Variants in SLC49A3 observed in about 807,000 individuals in gnomAD.
SLC49A3 encodes the protein solute carrier family 49 member A3.
A neutral mutation model predicts 43.8 loss-of-function variants in SLC49A3; 50 were observed. The ratio of observed to expected loss-of-function variants is 1.14; its 90% confidence interval spans 0.91 to 1.45. The LOEUF is 1.45. Among genes scored for constraint, SLC49A3 ranks in the 40% most tolerant of loss-of-function variants. The pLI, the probability that SLC49A3 is intolerant of heterozygous loss-of-function variation, is 0.00. For synonymous variants in SLC49A3, 413 were observed against 352.0 expected (o/e 1.17, Z -1.94); for missense variants, 906 against 774.1 (o/e 1.17, Z -2.02).
intron 6 of SLC49A3, 82 bp downstream of exon 6, chr4:684,401 G>T: frequency 6.4e-7 from 1 of 1,561,762 alleles, no homozygotes. Context: ...CGGACACTGG[G>T]CACCCTGGAG....
At chr4:680,517 G>C (rs373616918), downstream of SLC49A3, 2 of 1,613,328 alleles carry the variant, frequency 1.2e-6, no homozygotes, top group Non-Finnish European at 1.7e-6. Flanking sequence ...AGGTACCGAC[G>C]CCGAGGAGAC....
At chr4:678,662 G>A (rs1739108550), downstream of SLC49A3, 2 of 1,606,700 alleles carry the variant, frequency 1.2e-6, no homozygotes, top group Non-Finnish European at 1.7e-6. Context: ...CCGCAGGCCA[G>A]CAGGAAGACC....
downstream of SLC49A3, chr4:680,008 G>A (rs779274114): frequency 6.2e-6 from 10 of 1,612,330 alleles, no homozygotes; most frequent in Non-Finnish European, 8.5e-6. Flanking sequence ...TGTTTGGGGA[G>A]AAGCTGAGCG....
rs751116319 is a variant in SLC49A3, at chr4:686,119, G to T, written c.478C>A (p.Arg160=). 7 of 1,613,006 alleles carry T rather than the reference G, an allele frequency of 4.3e-6. 2 individuals are homozygous for T. The South Asian group carries it at 5.5e-5, about 13-fold the overall frequency. The part of the protein sequence containing the change: ...LAALWFPEHQ[R]ATANMLATMS... Reference sequence around the variant, plus strand: ...GTGGCGAGCATGTTGGCCGTGGCTCGCTGGTGCTCTGGGAACCACAAGGCA... The same window carrying T: ...GTGGCGAGCATGTTGGCCGTGGCTCTCTGGTGCTCTGGGAACCACAAGGCA... Residue 160 remains arginine (R), a synonymous_variant, in exon 3 of 10, where the codon CGA becomes AGA. Transcript: ENST00000322224.
In SLC49A3 at chr4:681,961, C is replaced by T. The variant is rs775816766; in HGVS notation, c.1677G>A (p.Thr559=). 5.8e-6 allele frequency: 8 copies of T among 1,371,380 alleles called. No homozygotes were observed. Among genetic ancestry groups the T allele is most frequent in the Non-Finnish European group, 4.8e-6 (5 of 1,049,000 alleles). The allele number at this position is 1,371,380 out of a possible 1,614,324, so 85.0% of individuals were successfully genotyped here. A position where few individuals can be genotyped will look rare whatever the true frequency, so the allele number is the denominator to read the frequency against. ...ACCTGGACTACAAGGCGCTCAGCTA[C>T]GTGATCACCCACGGGGAGGAGAAGG... ...HSSFSSPWVI[T] is the part of the protein sequence containing the mutation. The change falls in exon 10 of 10, where the codon ACG becomes ACA. Residue 559 remains threonine, a synonymous_variant. Coordinates refer to ENST00000322224, the MANE Select transcript of SLC49A3 (RefSeq NM_032219.4).
At chr4:678,632 C>G (rs777849199), downstream of SLC49A3, 2 of 1,588,102 alleles carry the variant, frequency 1.3e-6, no homozygotes, top group Non-Finnish European at 1.7e-6. Flanking sequence ...AGCCCAGGAC[C>G]CTCAGCCATG....
Position 683,119 on chromosome 4 carries a change from G to A in SLC49A3, c.1151+91C>T. The stretch of plus-strand genomic sequence containing the variant: ...GCAGGTTCCCCACCTCCCCGAAAAG[G>A]GGCCTGGACCACATGGTGCAACCCC... On this transcript the variant is annotated intron_variant, in intron 8 of 9. Coordinates refer to ENST00000322224, the MANE Select transcript of SLC49A3 (RefSeq NM_032219.4). The A allele has an allele frequency of 1.0e-5, 16 of 1,525,586 alleles. No individual in the cohort carries two copies. In the South Asian group the frequency reaches 1.8e-4, roughly 17 times the overall value. The allele number at this position is 1,525,586 out of a possible 1,614,324, so 94.5% of individuals were successfully genotyped here.
At chr4:682,685 G>A (rs889725881) in intron 9 of SLC49A3, 96 bp downstream of exon 9, 2 of 1,008,006 alleles carry the variant, frequency 2.0e-6, no homozygotes, top group Non-Finnish European at 2.8e-6. Context: ...TGCTGTTTAG[G>A]GCTCCCCACG....
Position 685,813 on chromosome 4 carries a change from C to G in SLC49A3, c.585+22G>C, listed in dbSNP as rs376890947. The stretch of plus-strand genomic sequence containing the variant: ...GCGCACACACCACACAGACCAGGCA[C>G]GGGCGTCTCATGACCCCTCACCATT... On this transcript the variant is annotated intron_variant, in intron 4 of 9. Coordinates refer to ENST00000322224, the MANE Select transcript of SLC49A3 (RefSeq NM_032219.4). This position sits in a 1 kb window ranked among gnomAD's most constrained non-coding sequence, Gnocchi z 4.3. The G allele has an allele frequency of 1.2e-6, 2 of 1,613,024 alleles. No homozygotes were observed. The highest frequency in any genetic ancestry group is 1.7e-6 in the Non-Finnish European group (2 of 1,179,194).
chr4:678,030 G>A (rs1234752398), downstream of SLC49A3: 2 of 1,613,288 alleles, frequency 1.2e-6, no homozygotes, highest in South Asian at 2.2e-5. Context: ...AGCAGGCATG[G>A]TGAGCAGGCC....
intron 2 of SLC49A3, 28 bp downstream of exon 2, chr4:686,504 G>A (rs768155567): frequency 1.2e-6 from 2 of 1,607,310 alleles, no homozygotes; most frequent in Non-Finnish European, 1.7e-6. Context: ...CTGTCCCGGA[G>A]CGGGCCATGG....
chr4:686,743 G>T, intron 1 of SLC49A3, 53 bp from the exon 2 acceptor site: 1 of 1,575,838 alleles, frequency 6.3e-7, no homozygotes, highest in Non-Finnish European at 8.6e-7. Flanking sequence ...GGACCTACCT[G>T]CTGTGGCCCC....
chr4:688,917 GCCA>G, intron 1 of SLC49A3, 73 bp downstream of exon 1: 1 of 1,516,390 alleles, frequency 6.6e-7, no homozygotes, highest in Non-Finnish European at 8.8e-7. Context: ...TCGGGCTGTG[GCCA>G]CAGGAAAACA....
chr4:689,448 A>G (rs1039604668), upstream of SLC49A3: 3 of 212,702 alleles, frequency 1.4e-5, no homozygotes, highest in African/African-American at 6.9e-5. Flanking sequence ...TCAGCAGGAA[A>G]GGCGGCCTGG....
At chr4:684,124 C>T (rs1740484352) in intron 6 of SLC49A3, among the ~76,000 whole-genome samples, 1 of 152,316 alleles carries the variant, frequency 6.6e-6, no homozygotes, top group African/African-American at 2.4e-5. Context: ...GAGCAAGGCC[C>T]TCCCCGCTGC....
chr4:681,702 C>T (rs1166477405), downstream of SLC49A3: 1 of 75,024 alleles, frequency 1.3e-5, no homozygotes, highest in African/African-American at 6.1e-5. Context: ...CCAGCGCCGC[C>T]CCGCCCCCTC....
Position 689,108 on chromosome 4 carries a change from G to A in SLC49A3, c.20C>T (p.Ala7Val), listed in dbSNP as rs778315499. The A allele has an allele frequency of 3.0e-5, 43 of 1,427,154 alleles. No individual in the cohort carries two copies. The East Asian group carries it at 1.2e-3, about 40-fold the overall frequency. 88.4% of individuals were successfully genotyped at this position (1,427,154 alleles called of 1,614,324 possible). A position where few individuals can be genotyped will look rare whatever the true frequency, so the allele number is the denominator to read the frequency against. MAGPTEAETGLAEPRAL... is the reference protein window; with the variant it reads MAGPTEVETGLAEPRAL... Reference sequence around the variant, plus strand: ...CCGGGGCTCGGCCAACCCCGTCTCGGCCTCCGTCGGCCCCGCCATCGTCGG... The same window carrying A: ...CCGGGGCTCGGCCAACCCCGTCTCGACCTCCGTCGGCCCCGCCATCGTCGG... Residue 7 changes from alanine to valine, a missense_variant, in exon 1 of 10, where the codon GCC (alanine) becomes GTC (valine). Coordinates refer to ENST00000322224, the MANE Select transcript of SLC49A3 (RefSeq NM_032219.4).
downstream of SLC49A3, chr4:681,277 C>A: frequency 1.0e-6 from 1 of 984,752 alleles, no homozygotes; most frequent in Non-Finnish European, 1.5e-6. Flanking sequence ...CCGGGGGGCT[C>A]CCGAAGTGCC....
intron 8 of SLC49A3, 33 bp from the exon 9 acceptor site, chr4:682,923 C>G: frequency 6.6e-7 from 1 of 1,512,418 alleles, no homozygotes; most frequent in Non-Finnish European, 8.9e-7. Context: ...CCCCGCTGCA[C>G]TGCCCACCCC....
Sources: gnomAD v4.1 joint callset for allele counts (sites outside exome capture counted in the v4.1 genomes callset) on GRCh38, gnomAD v4.1.1 for gene constraint, Gnocchi (gnomAD v3.1) non-coding constraint, MANE v1.5 for transcripts, NCBI Gene and HGNC (gene_info 2026-07-23, HGNC 2026-07-21) for gene names.